GALNTL6: variants seen among roughly 807,000 people sequenced by gnomAD.
GALNTL6 encodes polypeptide N-acetylgalactosaminyltransferase-like 6.
Under a neutral mutation model 73.7 loss-of-function variants are expected in GALNTL6, and 46 were observed. That is an observed-to-expected ratio of 0.62 (90% CI 0.49 to 0.80). GALNTL6 has a LOEUF of 0.80. GALNTL6 is among the 30% of genes least tolerant of loss of function. The pLI is 0.00. For missense variants in GALNTL6, 604 were observed against 755.0 expected (o/e 0.80, Z 2.34); for synonymous variants, 259 against 263.7 (o/e 0.98, Z 0.17).
At chr4:172,530,793 A>G (rs182706087) in intron 5 of GALNTL6, among the ~76,000 whole-genome samples, 23 of 152,292 alleles carry the variant, frequency 1.5e-4, no homozygotes, top group Non-Finnish European at 2.6e-4. Context: ...TAGAAATAAC[A>G]TTGGTGATTT....
chr4:172,362,171 C>G (rs1742392618), intron 5 of GALNTL6, among the ~76,000 whole-genome samples: 1 of 151,982 alleles, frequency 6.6e-6, no homozygotes, highest in African/African-American at 2.4e-5. Context: ...CCTTTTATAC[C>G]TTTACAAAGA....
intron 2 of GALNTL6, among the ~76,000 whole-genome samples, chr4:171,980,958 AAATGATTAG>A (rs1165191629): frequency 3.9e-5 from 6 of 152,222 alleles, no homozygotes; most frequent in South Asian, 2.1e-4. Context: ...CTTTTTGGAA[AAATGATTAG>A]AATCAAGTGT....
At chr4:172,094,227 T>C (rs970878561) in intron 2 of GALNTL6, among the ~76,000 whole-genome samples, 1 of 152,206 alleles carries the variant, frequency 6.6e-6, no homozygotes, top group African/African-American at 2.4e-5. Flanking sequence ...CTGTAGAATA[T>C]GTTTCAGTAT....
At chr4:172,633,273 G>C (rs914306660) in intron 5 of GALNTL6, among the ~76,000 whole-genome samples, 25 of 152,158 alleles carry the variant, frequency 1.6e-4, no homozygotes, top group Non-Finnish European at 3.1e-4. Context: ...CAGCTGAGAG[G>C]GGGGCTATAC....
intron 2 of GALNTL6, among the ~76,000 whole-genome samples, chr4:172,151,828 C>G (rs4692913): frequency 0.48 from 72,661 of 151,382 alleles, 18,242 homozygotes; most frequent in African/African-American, 0.62. Context: ...TCATGGGGGA[C>G]GGCTGTGACA....
At chr4:172,740,060 C>T (rs1736711003) in intron 5 of GALNTL6, among the ~76,000 whole-genome samples, 1 of 151,946 alleles carries the variant, frequency 6.6e-6, no homozygotes, top group Non-Finnish European at 1.5e-5. Context: ...ATCCAGCTCC[C>T]ATTTATTCTC....
rs78498273 is a variant in GALNTL6, at chr4:172,796,893, G to A, written c.554-12468G>A. Among the ~76,000 whole-genome samples the A allele has an allele frequency of 1.7e-3, 264 of 152,274 alleles. 5 individuals carry two copies. In the East Asian group the frequency reaches 0.045, roughly 26 times the overall value. ...TCATAGCATTTTTCTCATAGTAACT[G>A]TTTAGAGGAATTCCTTTCCAATTTG... On this transcript the variant is annotated intron_variant, in intron 5 of 12. Coordinates refer to ENST00000506823, the MANE Select transcript of GALNTL6 (RefSeq NM_001034845.3).
intron 2 of GALNTL6, among the ~76,000 whole-genome samples, chr4:171,873,103 A>C (rs1736183299): frequency 6.6e-6 from 1 of 152,186 alleles, no homozygotes; most frequent in Non-Finnish European, 1.5e-5. Context: ...GTTACAGCAA[A>C]CAGAAAAATT....
chr4:172,428,008 T>G lies in GALNTL6; in HGVS notation c.553+79319T>G, dbSNP rs374184486. On this transcript the variant is annotated intron_variant, in intron 5 of 12. Transcript: ENST00000506823. ...ACTAATTTACCCTGCAGTATCTATT[T>G]GTTGTCTGGGTATTCTTTGGCAAAG... 2.3e-3 allele frequency among the ~76,000 whole-genome samples: 356 copies of G among 152,268 alleles called. 2 individuals are homozygous for G. The highest frequency in any genetic ancestry group is 8.1e-3 in the African/African-American group (335 of 41,554).
At chr4:172,959,608 T>C (rs144630644) in intron 10 of GALNTL6, among the ~76,000 whole-genome samples, 2,315 of 152,016 alleles carry the variant, frequency 0.015, 17 homozygotes, top group South Asian at 0.029. Flanking sequence ...AGGGGGCTTC[T>C]GAGGCAATCA....
intron 5 of GALNTL6, among the ~76,000 whole-genome samples, chr4:172,690,695 G>A (rs1733227116): frequency 6.6e-6 from 1 of 152,136 alleles, no homozygotes; most frequent in Non-Finnish European, 1.5e-5. Context: ...ATGCACTTGA[G>A]ATAACATTTC....
intron 5 of GALNTL6, among the ~76,000 whole-genome samples, chr4:172,453,990 A>G (rs1002074612): frequency 6.6e-6 from 1 of 152,228 alleles, no homozygotes; most frequent in Non-Finnish European, 1.5e-5. Context: ...CTACTTTAAG[A>G]AATATTTACT....
chr4:172,532,462 T>A (rs144667178), intron 5 of GALNTL6, among the ~76,000 whole-genome samples: 8 of 152,326 alleles, frequency 5.3e-5, no homozygotes, highest in African/African-American at 1.9e-4. Context: ...GTCTCCAGAA[T>A]TGTGAGACAA....
chr4:172,232,410 T>C (rs1401971343), intron 3 of GALNTL6, among the ~76,000 whole-genome samples: 1 of 152,174 alleles, frequency 6.6e-6, no homozygotes, highest in Non-Finnish European at 1.5e-5. Flanking sequence ...TGTTAGTTGG[T>C]TCATTTTTAC....
chr4:172,650,224 C>T (rs1311199881), intron 5 of GALNTL6, among the ~76,000 whole-genome samples: 1 of 152,094 alleles, frequency 6.6e-6, no homozygotes, highest in Non-Finnish European at 1.5e-5. Context: ...GCCTTTGCAC[C>T]GCAAGCCAGA....
intron 2 of GALNTL6, among the ~76,000 whole-genome samples, chr4:171,903,329 G>A (rs62326283): frequency 0.25 from 38,263 of 152,086 alleles, 5,078 homozygotes; most frequent in Middle Eastern, 0.35. Context: ...TGCCTCACTC[G>A]GAAAGCACAA....
At chr4:172,576,801 A>G (rs939369304) in intron 5 of GALNTL6, among the ~76,000 whole-genome samples, 6 of 152,190 alleles carry the variant, frequency 3.9e-5, no homozygotes, top group Admixed American at 1.3e-4. Context: ...TTCTGAGGAC[A>G]AGTTCAGGGT....
At chr4:172,039,283 T>C (rs1418580251) in intron 2 of GALNTL6, among the ~76,000 whole-genome samples, 7 of 152,230 alleles carry the variant, frequency 4.6e-5, no homozygotes, top group Admixed American at 4.6e-4. Flanking sequence ...CAATGTGGTA[T>C]ATTTTACATT....
chr4:172,909,484 T>C (rs1310768647), intron 8 of GALNTL6, among the ~76,000 whole-genome samples: 2 of 151,978 alleles, frequency 1.3e-5, no homozygotes, highest in Admixed American at 1.3e-4. Context: ...AAAGGCAAAA[T>C]ATTGCAACAG....
Sources: allele counts gnomAD v4.1 joint callset (sites outside exome capture counted in the v4.1 genomes callset), GRCh38; gene constraint gnomAD v4.1.1; transcripts MANE v1.5; gene names NCBI Gene and HGNC (gene_info 2026-07-23, HGNC 2026-07-21).